Variants in TEKT4 observed in about 807,000 individuals in gnomAD.
TEKT4 encodes the protein tektin-4.
TEKT4 carries 46 observed loss-of-function variants against 46.0 expected under a neutral mutation model. The ratio of observed to expected loss-of-function variants is 1.00; its 90% CI spans 0.79 to 1.28. TEKT4 has a LOEUF of 1.28. Ranked by LOEUF, TEKT4 falls within the 50% of genes most tolerant of loss-of-function variation. TEKT4 has a pLI of 0.00. For synonymous variants in TEKT4, 325 were observed against 265.8 expected (o/e 1.22, Z -2.17); for missense variants, 790 against 622.9 (o/e 1.27, Z -2.85).
intron 2 of TEKT4, 117 bp downstream of exon 2, chr2:94,873,707 C>G: frequency 7.1e-7 from 1 of 1,404,758 alleles, no homozygotes; most frequent in South Asian, 1.3e-5. Context: ...CCCCAGGTCA[C>G]AGTGGAGCGC....
rs1490417293 is a variant in TEKT4, at chr2:94,871,921, G to A, written c.342G>A (p.Ala114=). 1.7e-5 allele frequency: 27 copies of A among 1,598,454 alleles called. No individual in the cohort carries two copies. Among genetic ancestry groups the A allele is most frequent in the East Asian group, 1.3e-4 (6 of 44,618 alleles). The change falls in exon 1 of 6, where the codon GCG becomes GCA. Residue 114 remains alanine (A), a synonymous_variant. Transcript: ENST00000295201. ...AGCGTGAGATGGAGGCGCTGGCTGC[G>A]GAGACCAACTTGCTCCTGGCCCAGA... is the stretch of plus-strand genomic sequence containing the variant. The part of the protein sequence containing the change: ...ELQREMEALA[A]ETNLLLAQKQ...
chr2:94,874,737 G>A, intron 3 of TEKT4, 39 bp from the exon 4 acceptor site: 3 of 1,501,100 alleles, frequency 2.0e-6, no homozygotes, highest in Non-Finnish European at 2.7e-6. Flanking sequence ...CTTCGGCAGA[G>A]CCTCCCCGAC....
chr2:94,871,880 T>C lies in TEKT4; in HGVS notation c.301T>C (p.Trp101Arg). The change falls in exon 1 of 6, where the codon TGG (tryptophan) becomes CGG (arginine). Residue 101 changes from tryptophan to arginine, a missense_variant. By Grantham distance (101) the Trp-to-Arg change is moderately radical (BLOSUM62 -3). Coordinates refer to ENST00000295201, the MANE Select transcript of TEKT4 (RefSeq NM_144705.4). ...VGERLQDTHSWKSELQREMEA... is the reference protein window; with the variant it reads ...VGERLQDTHSRKSELQREMEA... ...CGAGCGACTGCAGGACACGCACAGC[T>C]GGAAGTCGGAGCTGCAGCGTGAGAT... 2 of 1,598,074 alleles carry C rather than the reference T, an allele frequency of 1.3e-6. No homozygotes were observed. Among genetic ancestry groups the C allele is most frequent in the South Asian group, 1.1e-5 (1 of 90,012 alleles).
chr2:94,873,251 G>A lies in TEKT4; in HGVS notation c.499-269G>A, dbSNP rs147112597. On this transcript the variant is annotated intron_variant, in intron 1 of 5. Coordinates refer to ENST00000295201, the MANE Select transcript of TEKT4 (RefSeq NM_144705.4). ...GTGAGCAGCAGCGATGACTCCTGAA[G>A]CCTGGGGCGTGGGAACTGCCGCTGA... 1,273 of 1,331,210 alleles carry A rather than the reference G, an allele frequency of 9.6e-4. 9 individuals carry two copies. The African/African-American group carries it at 0.017, about 18-fold the overall frequency. The allele number at this position is 1,331,210 out of a possible 1,614,324, so 82.5% of individuals were successfully genotyped here.
In TEKT4 at chr2:94,871,750, C is replaced by T. The variant is rs371155806; in HGVS notation, c.171C>T (p.Ala57=). The T allele has an allele frequency of 3.0e-5, 49 of 1,612,616 alleles. No individual in the cohort carries two copies. In the African/African-American group the frequency reaches 4.4e-4, roughly 14 times the overall value. Residue 57 remains alanine, a synonymous_variant, in exon 1 of 6, where the codon GCC becomes GCT. Coordinates refer to ENST00000295201, the MANE Select transcript of TEKT4 (RefSeq NM_144705.4). ...ATGCTCGCTACCACCAGGCCTTCGC[C>T]GACCGCGACCAGTCGGAGCGGCAGC... ...NCYARYHQAF[A]DRDQSERQRH... is the part of the protein sequence containing the mutation.
In TEKT4 at chr2:94,871,514, G is replaced by T; in HGVS notation, c.-66G>T. On this transcript the variant is annotated 5_prime_UTR_variant, in exon 1 of 6. In the 5' UTR this introduces an upstream ATG that the reference lacks. Transcript: ENST00000295201. ...TGGAGCTGCCCCGCTGACCGCACTA[G>T]GCTGACCGCAACCGGCTGACCACAC... is the stretch of plus-strand genomic sequence containing the variant. The T allele has an allele frequency of 2.0e-6, 3 of 1,489,004 alleles. No homozygotes were observed. Among genetic ancestry groups the T allele is most frequent in the African/African-American group, 1.4e-5 (1 of 71,864 alleles). 92.2% of individuals were successfully genotyped at this position (1,489,004 alleles called of 1,614,324 possible).
chr2:94,876,337 ACACGGGTCACTCAT>A (rs1680852401), intron 5 of TEKT4, among the ~76,000 whole-genome samples: 2 of 152,082 alleles, frequency 1.3e-5, no homozygotes, highest in Non-Finnish European at 2.9e-5. Flanking sequence ...TCGAGATTGC[ACACGGGTCACTCAT>A]TCCCACTCAG....
intron 5 of TEKT4, 150 bp from the exon 6 acceptor site, chr2:94,876,403 C>G (rs1348920466): frequency 1.8e-5 from 12 of 665,720 alleles, no homozygotes. Context: ...TATGCTCTGC[C>G]CTAGAGCTGC....
At position 94,875,702 on chromosome 2, in the gene TEKT4, C is replaced by G. The variant is rs202121290; in HGVS notation, c.1051C>G (p.Arg351Gly). 1 of 1,614,164 alleles carries G rather than the reference C, an allele frequency of 6.2e-7. No individual in the cohort carries two copies. Among genetic ancestry groups the G allele is most frequent in the South Asian group, 1.1e-5 (1 of 91,084 alleles). ...AQTRLYLRSHRPNMELCRDAA... is the reference protein window; with the variant it reads ...AQTRLYLRSHGPNMELCRDAA... ...GACCCGGCTGTACCTGCGCTCGCAC[C>G]GGCCCAACATGGAGCTGTGCCGTGA... Residue 351 changes from arginine to glycine, a missense_variant, in exon 5 of 6, where the codon CGG (arginine) becomes GGG (glycine). Physicochemically the swap from Arg to Gly is moderately radical, Grantham distance 125. Transcript: ENST00000295201.
chr2:94,871,631 G>T lies in TEKT4; in HGVS notation c.52G>T (p.Ala18Ser). 1.9e-6 allele frequency: 3 copies of T among 1,612,380 alleles called. No homozygotes were observed. The highest frequency in any genetic ancestry group is 1.7e-4 in the Middle Eastern group (1 of 6,032). ...GCTGCCCTGCAAAGAGTACGACGTG[G>T]CCCGTAACACGGGCGCCTACACGTC... Reference protein sequence around the residue: ...CELPCKEYDVARNTGAYTSSG... With the variant: ...CELPCKEYDVSRNTGAYTSSG... Residue 18 changes from alanine (A) to serine (S), a missense_variant, in exon 1 of 6, where the codon GCC becomes TCC. Physicochemically the swap from Ala to Ser is moderately conservative, Grantham distance 99 (BLOSUM62 1). Transcript: ENST00000295201.
At chr2:94,873,880 C>G (rs1680696045) in intron 2 of TEKT4, 85 bp from the exon 3 acceptor site, 3 of 1,559,332 alleles carry the variant, frequency 1.9e-6, no homozygotes, top group Admixed American at 3.6e-5. Context: ...CTGAGGCAGG[C>G]ATTGGGGCCC....
intron 1 of TEKT4, chr2:94,872,495 A>G (rs1553394949): frequency 9.5e-6 from 3 of 316,052 alleles, no homozygotes; most frequent in Non-Finnish European, 1.2e-5. Flanking sequence ...TCCTATACAG[A>G]GCCGGGGACA....
At chr2:94,876,368 G>C (rs190124939) in intron 5 of TEKT4, among the ~76,000 whole-genome samples, 185 bp from the exon 6 acceptor site, 1 of 152,138 alleles carries the variant, frequency 6.6e-6, no homozygotes, top group East Asian at 1.9e-4. Context: ...TCAGGCCCAC[G>C]CTCCCTGGGA....
At chr2:94,873,623 G>A (rs1405335962) in intron 2 of TEKT4, 33 bp downstream of exon 2, 3 of 1,612,818 alleles carry the variant, frequency 1.9e-6, no homozygotes, top group East Asian at 4.5e-5. Flanking sequence ...GATGATTCCT[G>A]ACCCTACCCA....
In TEKT4 at chr2:94,875,703, G is replaced by T. The variant is rs573432158; in HGVS notation, c.1052G>T (p.Arg351Leu). 8 of 1,613,980 alleles carry T rather than the reference G, an allele frequency of 5.0e-6. No homozygotes were observed. The highest frequency in any genetic ancestry group is 6.8e-6 in the Non-Finnish European group (8 of 1,179,990). The change falls in exon 5 of 6, where the codon CGG (arginine) becomes CTG (leucine). Residue 351 changes from arginine (R) to leucine (L), a missense_variant. Arg to Leu is a moderately radical substitution (Grantham distance 102, BLOSUM62 -2). Transcript: ENST00000295201. ...AQTRLYLRSH[R>L]PNMELCRDAA... Reference sequence around the variant, plus strand: ...ACCCGGCTGTACCTGCGCTCGCACCGGCCCAACATGGAGCTGTGCCGTGAC... The same window carrying T: ...ACCCGGCTGTACCTGCGCTCGCACCTGCCCAACATGGAGCTGTGCCGTGAC...
chr2:94,876,522 G>A (rs201000768), intron 5 of TEKT4, 31 bp from the exon 6 acceptor site: 189 of 1,573,522 alleles, frequency 1.2e-4, no homozygotes, highest in Admixed American at 1.8e-4. Context: ...GCCCTCCCTA[G>A]CCCCGGCTCA....
In TEKT4 at chr2:94,875,698, G is replaced by C. The variant is rs113006794; in HGVS notation, c.1047G>C (p.Ser349=). The C allele has an allele frequency of 6.8e-6, 11 of 1,614,124 alleles. No individual in the cohort carries two copies. The highest frequency in any genetic ancestry group is 9.3e-6 in the Non-Finnish European group (11 of 1,179,992). Residue 349 remains serine (S), a synonymous_variant, in exon 5 of 6, where the codon TCG becomes TCC. Coordinates refer to ENST00000295201, the MANE Select transcript of TEKT4 (RefSeq NM_144705.4). ...CCCAGACCCGGCTGTACCTGCGCTC[G>C]CACCGGCCCAACATGGAGCTGTGCC... The part of the protein sequence containing the change: ...HVAQTRLYLR[S]HRPNMELCRD...
chr2:94,875,529 G>A (rs369619498), intron 4 of TEKT4, 59 bp from the exon 5 acceptor site: 22 of 1,604,440 alleles, frequency 1.4e-5, no homozygotes, highest in East Asian at 6.7e-5. Flanking sequence ...GCCTGGTCTC[G>A]GCGTTCTATA....
chr2:94,872,460 G>A, intron 1 of TEKT4: 2 of 345,924 alleles, frequency 5.8e-6, no homozygotes, highest in East Asian at 1.3e-4. Context: ...AGGTGGGGTG[G>A]GCTGGGAGCC....
Sources: allele counts gnomAD v4.1 joint callset (sites outside exome capture counted in the v4.1 genomes callset), GRCh38; gene constraint gnomAD v4.1.1; transcripts MANE v1.5; gene names NCBI Gene and HGNC (gene_info 2026-07-23, HGNC 2026-07-21).